Variants in PPP2R5C observed in about 807,000 individuals in gnomAD.
The protein encoded by PPP2R5C is protein phosphatase 2 regulatory subunit B'gamma, also known as serine/threonine-protein phosphatase 2A 56 kDa regulatory subunit gamma isoform.
PPP2R5C carries 7 observed loss-of-function variants against 68.9 expected under a neutral mutation model. The observed-to-expected ratio is 0.10, with a 90% CI of 0.06 to 0.19. PPP2R5C has a LOEUF of 0.19. Among genes scored for constraint, PPP2R5C ranks in the 10% least tolerant of loss-of-function variants. The pLI, the probability that PPP2R5C is intolerant of heterozygous loss-of-function variation, is 1.00. For synonymous variants in PPP2R5C, 210 were observed against 222.2 expected (o/e 0.95, Z 0.49); for missense variants, 348 against 641.3 (o/e 0.54, Z 4.94).
At chr14:101,919,969 C>CCAAAAAAAAAAAAAAAAAAAAA (rs775818748) in intron 13 of PPP2R5C, among the ~76,000 whole-genome samples, 1 of 52,876 alleles carries the variant, frequency 1.9e-5, no homozygotes, top group Non-Finnish European at 3.4e-5. Flanking sequence ...AACTCCGTCT[C>CCAAAAAAAAAAAAAAAAAAAAA]AAAAAAAAAA....
At chr14:101,833,969 C>T (rs577634958) in intron 1 of PPP2R5C, among the ~76,000 whole-genome samples, 8 of 152,184 alleles carry the variant, frequency 5.3e-5, no homozygotes, top group Non-Finnish European at 1.0e-4. Flanking sequence ...CCACCACGCT[C>T]GGCTAATTTT....
At chr14:101,868,870 C>A in intron 2 of PPP2R5C, among the ~76,000 whole-genome samples, 1 of 152,098 alleles carries the variant, frequency 6.6e-6, no homozygotes, top group East Asian at 1.9e-4. Flanking sequence ...TCACGTCTTC[C>A]GCACCACAGT....
chr14:101,840,859 T>C (rs2041428020), intron 1 of PPP2R5C, among the ~76,000 whole-genome samples: 1 of 152,220 alleles, frequency 6.6e-6, no homozygotes. Context: ...AGTTGCTGAG[T>C]GCAGTGCATT....
In PPP2R5C at chr14:101,922,350, G is replaced by A. The variant is rs146882849; in HGVS notation, c.1444-2791G>A. The A allele has an allele frequency of 6.6e-3, 1,678 of 254,360 alleles. 11 individuals carry two copies. The highest frequency in any genetic ancestry group is 0.017 in the Middle Eastern group (9 of 530). 15.8% of individuals were successfully genotyped at this position (254,360 alleles called of 1,614,324 possible). A position where few individuals can be genotyped will look rare whatever the true frequency, so the allele number is the denominator to read the frequency against. On this transcript the variant is annotated intron_variant, in intron 13 of 13. Transcript: ENST00000334743. ...CTAAATAACAAAAAATTAGCCGGAC[G>A]TGGTGGCAGGCACCTGTAATCCCAG...
intron 10 of PPP2R5C, among the ~76,000 whole-genome samples, chr14:101,907,837 G>T (rs1018695277): frequency 2.6e-5 from 4 of 152,218 alleles, no homozygotes; most frequent in Non-Finnish European, 5.9e-5. Context: ...GAGGCTGCAG[G>T]TGGCACTGCC....
chr14:101,852,232 C>T (rs1029118829), intron 1 of PPP2R5C, among the ~76,000 whole-genome samples: 1 of 152,142 alleles, frequency 6.6e-6, no homozygotes, highest in Non-Finnish European at 1.5e-5. Flanking sequence ...AACCCCCAGG[C>T]TCACCCTGCA....
At chr14:101,890,402 A>C in intron 6 of PPP2R5C, 106 bp downstream of exon 8, 1 of 1,083,956 alleles carries the variant, frequency 9.2e-7, no homozygotes, top group South Asian at 1.5e-5. Flanking sequence ...AGTTTAAACC[A>C]TTCTCTAAAA....
chr14:101,787,699 A>G (rs1014167382), intron 3 of PPP2R5C, among the ~76,000 whole-genome samples: 57 of 149,632 alleles, frequency 3.8e-4, no homozygotes, highest in South Asian at 2.1e-4. Flanking sequence ...CCCGGGAGGC[A>G]GAGCTTGCAG....
chr14:101,922,571 T>G (rs2047071437), intron 13 of PPP2R5C, among the ~76,000 whole-genome samples: 1 of 151,450 alleles, frequency 6.6e-6, no homozygotes, highest in Admixed American at 6.6e-5. Context: ...CCCAACACTT[T>G]GGGAGGCTGA....
At chr14:101,907,712 C>T (rs926342754) in intron 10 of PPP2R5C, among the ~76,000 whole-genome samples, 2 of 152,162 alleles carry the variant, frequency 1.3e-5, no homozygotes, top group Non-Finnish European at 1.5e-5. Context: ...CACTCTGGCC[C>T]GGTGCGGTCT....
chr14:101,899,660 A>T lies in PPP2R5C; in HGVS notation c.853-2059A>T, dbSNP rs1279323608. ...AACATATTTCTCCTAATAAAATTCC[A>T]TTTGACAAATGAAGAGAAATAGATG... On this transcript the variant is annotated intron_variant, in intron 8 of 13. Coordinates refer to ENST00000334743, the Ensembl canonical transcript of PPP2R5C. The surrounding 1 kb of genome is among the most constrained non-coding windows in gnomAD (Gnocchi z 4.2). Among the ~76,000 whole-genome samples the T allele has an allele frequency of 6.6e-6, 1 of 152,200 alleles. No homozygotes were observed. Among genetic ancestry groups the T allele is most frequent in the Non-Finnish European group, 1.5e-5 (1 of 68,034 alleles).
chr14:101,817,489 A>G (rs1231662694), intron 1 of PPP2R5C, among the ~76,000 whole-genome samples: 1 of 152,170 alleles, frequency 6.6e-6, no homozygotes, highest in Non-Finnish European at 1.5e-5. Flanking sequence ...CGGCCACACC[A>G]TCTGACAAAA....
intron 1 of PPP2R5C, among the ~76,000 whole-genome samples, chr14:101,826,139 G>A (rs774354227): frequency 2.3e-4 from 35 of 152,220 alleles, no homozygotes; most frequent in South Asian, 6.2e-4. Context: ...TGCAGCACAC[G>A]TTTTTAATTT....
intron 2 of PPP2R5C, among the ~76,000 whole-genome samples, chr14:101,770,894 A>G (rs892567489): frequency 1.3e-5 from 2 of 152,260 alleles, no homozygotes; most frequent in Non-Finnish European, 2.9e-5. Flanking sequence ...CCTAAATCAC[A>G]GGGAAGATTC....
chr14:101,918,689 T>C (rs1383591846), intron 13 of PPP2R5C, among the ~76,000 whole-genome samples: 2 of 95,792 alleles, frequency 2.1e-5, no homozygotes, highest in East Asian at 5.8e-4. Flanking sequence ...CTTTCAGTGC[T>C]TTGGTCACAG....
Position 101,906,347 on chromosome 14 carries a change from G to A in PPP2R5C, c.1024-55G>A. The A allele has an allele frequency of 6.6e-7, 1 of 1,520,792 alleles. No individual in the cohort carries two copies. The highest frequency in any genetic ancestry group is 8.8e-7 in the Non-Finnish European group (1 of 1,136,870). 94.2% of individuals were successfully genotyped at this position (1,520,792 alleles called of 1,614,324 possible). On this transcript the variant is annotated intron_variant, in intron 9 of 13. Coordinates refer to ENST00000334743, the Ensembl canonical transcript of PPP2R5C. This position sits in a 1 kb window ranked among gnomAD's most constrained non-coding sequence, Gnocchi z 4.0. ...ACTCACAGGTTTAACAGCAAGGACA[G>A]CCACCTGATGTCTCAGGCACAACCT...
chr14:101,761,410 C>G (rs1199723805), upstream of PPP2R5C, among the ~76,000 whole-genome samples: 1 of 151,854 alleles, frequency 6.6e-6, no homozygotes, highest in Non-Finnish European at 1.5e-5. Flanking sequence ...GCGGTCAGCC[C>G]CGCGCCAGGA....
chr14:101,849,771 G>A (rs1233559128), intron 1 of PPP2R5C, among the ~76,000 whole-genome samples: 9 of 151,984 alleles, frequency 5.9e-5, no homozygotes, highest in Non-Finnish European at 1.3e-4. Context: ...CCAACACAAC[G>A]TGTTGAAAGG....
At chr14:101,771,620 C>T (rs1269012636) in intron 2 of PPP2R5C, among the ~76,000 whole-genome samples, 9 of 151,754 alleles carry the variant, frequency 5.9e-5, no homozygotes, top group Admixed American at 2.6e-4. Context: ...CCCAGCTACT[C>T]GGGAGGCTGA....
Sources: gnomAD v4.1 joint callset for allele counts (sites outside exome capture counted in the v4.1 genomes callset) on GRCh38, gnomAD v4.1.1 for gene constraint, Gnocchi (gnomAD v3.1) non-coding constraint, MANE v1.5 for transcripts, NCBI Gene and HGNC (gene_info 2026-07-23, HGNC 2026-07-21) for gene names.